DPH6: variants seen among roughly 807,000 people sequenced by gnomAD.
The protein encoded by DPH6 is diphthamine biosynthesis 6.
Under a neutral mutation model 38.2 loss-of-function variants are expected in DPH6, and 33 were observed. That is an observed-to-expected ratio of 0.86 (90% CI 0.65 to 1.15). The LOEUF (loss-of-function observed/expected upper bound fraction) is 1.15. DPH6 is among the 50% of genes most tolerant of loss of function. DPH6 has a pLI of 0.00. For missense variants in DPH6, 325 were observed against 320.0 expected, an observed-to-expected ratio of 1.02 and a Z score of -0.12; for synonymous variants, 108 against 103.0, an observed-to-expected ratio of 1.05 and a Z score of -0.30.
intron 3 of DPH6, among the ~76,000 whole-genome samples, chr15:35,351,836 CTTAGCTTCCTGAG>C (rs1360495504): frequency 6.6e-6 from 1 of 151,644 alleles, no homozygotes; most frequent in Non-Finnish European, 1.5e-5. Context: ...ATCCTCTCTA[CTTAGCTTCCTGAG>C]TAGCTAGGAC....
intron 5 of DPH6, among the ~76,000 whole-genome samples, chr15:35,441,931 C>G (rs2053794223): frequency 6.6e-6 from 1 of 151,918 alleles, no homozygotes; most frequent in Non-Finnish European, 1.5e-5. Flanking sequence ...GTATAAAACT[C>G]TTAGAAGAAA....
intron 3 of DPH6, among the ~76,000 whole-genome samples, chr15:35,517,161 A>G (rs1016506967): frequency 1.3e-5 from 2 of 152,126 alleles, no homozygotes; most frequent in Non-Finnish European, 2.9e-5. Flanking sequence ...AAAAATTTAA[A>G]GAAGAATTTT....
chr15:35,210,953 T>TG, the DPH6 span, among the ~76,000 whole-genome samples: 1 of 137,270 alleles, frequency 7.3e-6, no homozygotes, highest in Non-Finnish European at 1.6e-5. Context: ...TCACTTTTTT[T>TG]TTTTTTTTTT....
intron 3 of DPH6, among the ~76,000 whole-genome samples, chr15:35,267,361 C>T (rs186013957): frequency 6.6e-6 from 1 of 152,120 alleles, no homozygotes; most frequent in East Asian, 1.9e-4. Context: ...ACTAGATCTG[C>T]AGCAGGACTG....
chr15:35,443,964 T>C (rs1289135380), intron 5 of DPH6, among the ~76,000 whole-genome samples: 1 of 152,162 alleles, frequency 6.6e-6, no homozygotes, highest in Admixed American at 6.5e-5. Flanking sequence ...CCTTTTCTGA[T>C]AATTTCAAGA....
the DPH6 span, among the ~76,000 whole-genome samples, chr15:35,202,232 C>T: frequency 6.6e-6 from 1 of 151,686 alleles, no homozygotes; most frequent in African/African-American, 2.4e-5. Context: ...TTCCTAGGCA[C>T]GTTTGAAAGG....
At chr15:35,417,898 C>T (rs957794271) in intron 5 of DPH6, among the ~76,000 whole-genome samples, 1 of 151,956 alleles carries the variant, frequency 6.6e-6, no homozygotes, top group South Asian at 2.1e-4. Flanking sequence ...TTTGTAATAT[C>T]ATCATTCTCA....
Position 35,443,180 on chromosome 15 carries a change from T to C in DPH6, c.505+7505A>G, listed in dbSNP as rs139847531. Among the ~76,000 whole-genome samples, 730 of 152,318 alleles carry C rather than the reference T, an allele frequency of 4.8e-3. 7 individuals are homozygous for C. Among genetic ancestry groups the C allele is most frequent in the African/African-American group, 0.017 (707 of 41,568 alleles). Reference sequence around the variant, plus strand: ...TACAAAAAATTCTTTTTAACTGTTCTCAGAAATTATATCATCAGTAGTGGC... The same window carrying C: ...TACAAAAAATTCTTTTTAACTGTTCCCAGAAATTATATCATCAGTAGTGGC... On this transcript the variant is annotated intron_variant, in intron 5 of 8. Transcript: ENST00000256538.
At chr15:35,523,646 T>C (rs115599324) in intron 3 of DPH6, among the ~76,000 whole-genome samples, 1,561 of 152,126 alleles carry the variant, frequency 0.01, 22 homozygotes, top group African/African-American at 0.036. Flanking sequence ...TGTTGTTCTT[T>C]TTACTGTTCT....
At chr15:35,386,250 T>C (rs2052955220) in intron 6 of DPH6, among the ~76,000 whole-genome samples, 1 of 152,230 alleles carries the variant, frequency 6.6e-6, no homozygotes, top group East Asian at 1.9e-4. Flanking sequence ...TCTACCATTG[T>C]TGGAAATCTG....
intron 2 of DPH6, among the ~76,000 whole-genome samples, chr15:35,541,118 A>C (rs1174520930): frequency 6.6e-6 from 1 of 152,070 alleles, no homozygotes; most frequent in Non-Finnish European, 1.5e-5. Flanking sequence ...TCTGTTACTC[A>C]TCAATTGCAG....
chr15:35,206,808 T>C, the DPH6 span, among the ~76,000 whole-genome samples: 446 of 152,264 alleles, frequency 2.9e-3, 9 homozygotes, highest in Non-Finnish European at 4.5e-3. Context: ...GTAATATTAT[T>C]ATACAATAAA....
At chr15:35,180,960 T>C in the DPH6 span, among the ~76,000 whole-genome samples, 6 of 152,198 alleles carry the variant, frequency 3.9e-5, no homozygotes, top group Admixed American at 3.3e-4. Flanking sequence ...AATACAAAAA[T>C]ATGCATTTAA....
At chr15:35,290,297 A>G (rs942292165) in intron 3 of DPH6, among the ~76,000 whole-genome samples, 10 of 152,182 alleles carry the variant, frequency 6.6e-5, no homozygotes, top group South Asian at 2.1e-4. Flanking sequence ...GCGAGACCCA[A>G]TCCCCTCAGA....
At chr15:35,183,170 C>T in the DPH6 span, among the ~76,000 whole-genome samples, 1 of 152,116 alleles carries the variant, frequency 6.6e-6, no homozygotes, top group Non-Finnish European at 1.5e-5. Flanking sequence ...TTCATGTGTT[C>T]TCTCAGCTAA....
At chr15:35,334,141 GA>G (rs1423339012) in intron 3 of DPH6, among the ~76,000 whole-genome samples, 2 of 151,930 alleles carry the variant, frequency 1.3e-5, no homozygotes, top group African/African-American at 4.8e-5. Flanking sequence ...ATGGAAGAGG[GA>G]AGGATACTTA....
the DPH6 span, among the ~76,000 whole-genome samples, chr15:35,200,386 T>A: frequency 8.2e-4 from 125 of 152,266 alleles, no homozygotes; most frequent in African/African-American, 2.8e-3. Flanking sequence ...ACATTTTGAA[T>A]TGGTCTACAT....
At chr15:35,165,051 T>C in the DPH6 span, among the ~76,000 whole-genome samples, 8,987 of 151,918 alleles carry the variant, frequency 0.059, 419 homozygotes, top group East Asian at 0.25. Flanking sequence ...GAGGCTTATC[T>C]CAACCATGGG....
At chr15:35,409,210 T>A (rs2053333849) in intron 6 of DPH6, among the ~76,000 whole-genome samples, 1 of 151,698 alleles carries the variant, frequency 6.6e-6, no homozygotes, top group Non-Finnish European at 1.5e-5. Context: ...GGAGGCAGGG[T>A]GATTTCCTAT....
Sources: gnomAD v4.1 joint callset for allele counts (sites outside exome capture counted in the v4.1 genomes callset) on GRCh38, gnomAD v4.1.1 for gene constraint, MANE v1.5 for transcripts, NCBI Gene and HGNC (gene_info 2026-07-23, HGNC 2026-07-21) for gene names.